NREP: variants seen among roughly 807,000 people sequenced by gnomAD.
NREP encodes neuronal regeneration related protein, also known as neuronal regeneration-related protein.
In NREP, 5 loss-of-function variants were observed where a neutral mutation model predicts 8.6. That is an observed-to-expected ratio of 0.58 (90% CI 0.30 to 1.22). NREP has a LOEUF of 1.22. Ranked by LOEUF, NREP falls within the 50% of genes most tolerant of loss-of-function variation. NREP has a pLI of 0.07. For missense variants in NREP, 86 were observed against 82.5 expected, an observed-to-expected ratio of 1.04 and a Z score of -0.17; for synonymous variants, 27 against 28.0, an observed-to-expected ratio of 0.96 and a Z score of 0.11.
At chr5:111,810,255 C>T (rs372631472) in intron 2 of NREP, among the ~76,000 whole-genome samples, 1 of 152,236 alleles carries the variant, frequency 6.6e-6, no homozygotes, top group African/African-American at 2.4e-5. Context: ...GAAAAATACA[C>T]AGAATAGAGT....
rs992969406 is a variant in NREP at position 111,955,933 on chromosome 5, G to C, written c.135+19341C>G. On this transcript the variant is annotated intron_variant, in intron 2 of 3. Transcript: ENST00000395634. ...AAAAAACAAAAACGTTGGGCTTCCT[G>C]TTTAAGAACAGGACCTGGAAAGCAA... Among the ~76,000 whole-genome samples the C allele has an allele frequency of 2.7e-5, 4 of 149,946 alleles. No homozygotes were observed. In the East Asian group the frequency reaches 7.9e-4, roughly 30 times the overall value.
rs1412755820 is a variant in NREP, at chr5:111,850,000, G to A, written c.136-114493C>T. Among the ~76,000 whole-genome samples the A allele has an allele frequency of 3.3e-5, 5 of 152,244 alleles. No individual in the cohort carries two copies. In the South Asian group the frequency reaches 1.0e-3, roughly 32 times the overall value. ...ATTGTGGACTCACCATATTAGCCCT[G>A]AACCATCTAACACTGTCATTTTGAT... On this transcript the variant is annotated intron_variant, in intron 2 of 3. Transcript: ENST00000395634.
chr5:111,917,368 C>T (rs1459489301), intron 2 of NREP, among the ~76,000 whole-genome samples: 1 of 152,088 alleles, frequency 6.6e-6, no homozygotes, highest in African/African-American at 2.4e-5. Flanking sequence ...ATGAGGCCAG[C>T]ATCATCCTGA....
At chr5:111,910,732 C>T (rs935872769) in intron 2 of NREP, among the ~76,000 whole-genome samples, 3 of 151,998 alleles carry the variant, frequency 2.0e-5, no homozygotes, top group African/African-American at 7.2e-5. Context: ...CCCTCTGATG[C>T]CACCAAGTTT....
chr5:111,929,436 A>G (rs936457449), intron 2 of NREP, among the ~76,000 whole-genome samples: 18 of 152,330 alleles, frequency 1.2e-4, no homozygotes, highest in African/African-American at 3.1e-4. Flanking sequence ...TTTGGAGCCA[A>G]TACCAGCAAA....
At chr5:111,804,625 A>G (rs1752092799) in intron 2 of NREP, among the ~76,000 whole-genome samples, 1 of 152,160 alleles carries the variant, frequency 6.6e-6, no homozygotes, top group South Asian at 2.1e-4. Flanking sequence ...CATATTTGCA[A>G]TATACAGTTC....
chr5:111,764,058 C>G (rs1438837508), intron 2 of NREP, among the ~76,000 whole-genome samples: 2 of 152,152 alleles, frequency 1.3e-5, no homozygotes, highest in Non-Finnish European at 2.9e-5. Flanking sequence ...AAAACAAATT[C>G]CATACATACT....
Position 111,939,236 on chromosome 5 carries a change from A to C in NREP, c.135+36038T>G, listed in dbSNP as rs573933893. 2.0e-5 allele frequency among the ~76,000 whole-genome samples: 3 copies of C among 152,132 alleles called. No individual in the cohort carries two copies. The South Asian group carries it at 6.2e-4, about 31-fold the overall frequency. On this transcript the variant is annotated intron_variant, in intron 2 of 3. Transcript: ENST00000395634. ...ACCACATTCCTTTACAAGACTCATT[A>C]CTTCTCACAGCAAACATCTGATGCA...
At chr5:111,736,407 G>A (rs1749120568) in intron 2 of NREP, among the ~76,000 whole-genome samples, 1 of 152,146 alleles carries the variant, frequency 6.6e-6, no homozygotes, top group Non-Finnish European at 1.5e-5. Context: ...GTGAAATTAG[G>A]TAAGATTCCC....
rs954318418 is a variant in NREP, at chr5:111,783,910, T to C, written c.136-48403A>G. The stretch of plus-strand genomic sequence containing the variant: ...TGCATATAGAAAATCTGTGGCCTTA[T>C]ATTTCTGTTTACTAATTATAAGACC... On this transcript the variant is annotated intron_variant, in intron 2 of 3. Coordinates refer to the NREP transcript ENST00000395634. Among the ~76,000 whole-genome samples the C allele has an allele frequency of 2.6e-5, 4 of 152,224 alleles. 1 individual carries two copies. The South Asian group carries it at 6.2e-4, about 24-fold the overall frequency.
At chr5:111,815,701 T>A (rs1038249203) in intron 2 of NREP, among the ~76,000 whole-genome samples, 3 of 151,930 alleles carry the variant, frequency 2.0e-5, no homozygotes, top group South Asian at 2.1e-4. Flanking sequence ...GTAAAAAATA[T>A]TCAAACCGAA....
chr5:111,814,791 G>C (rs982302332), intron 2 of NREP, among the ~76,000 whole-genome samples: 1 of 152,080 alleles, frequency 6.6e-6, no homozygotes, highest in Non-Finnish European at 1.5e-5. Flanking sequence ...CATTGCTCTA[G>C]GAGTTGATGA....
At chr5:111,779,837 A>G (rs1751451384) in intron 2 of NREP, among the ~76,000 whole-genome samples, 1 of 152,358 alleles carries the variant, frequency 6.6e-6, no homozygotes, top group East Asian at 1.9e-4. Flanking sequence ...GAGGACAAGA[A>G]CATAGCTTAC....
intron 2 of NREP, among the ~76,000 whole-genome samples, chr5:111,905,359 A>G (rs1461608986): frequency 2.6e-5 from 4 of 152,172 alleles, no homozygotes; most frequent in Non-Finnish European, 4.4e-5. Context: ...CTCACTCCAC[A>G]TCCTTGCAGA....
chr5:111,832,670 A>G (rs1051177942), intron 2 of NREP, among the ~76,000 whole-genome samples: 4 of 152,206 alleles, frequency 2.6e-5, no homozygotes, highest in East Asian at 1.9e-4. Context: ...TCTGACCCCA[A>G]TACAGTTACT....
chr5:111,974,174 T>C (rs1175477819), intron 2 of NREP, among the ~76,000 whole-genome samples: 1 of 152,246 alleles, frequency 6.6e-6, no homozygotes, highest in Non-Finnish European at 1.5e-5. Flanking sequence ...CCTCAGTCTT[T>C]ATTTCTGCCA....
intron 2 of NREP, among the ~76,000 whole-genome samples, chr5:111,918,531 C>A (rs1379406660): frequency 2.6e-5 from 4 of 152,048 alleles, no homozygotes; most frequent in African/African-American, 7.2e-5. Context: ...CAATGGAACA[C>A]AACAGAGGCC....
intron 2 of NREP, among the ~76,000 whole-genome samples, chr5:111,746,770 G>C (rs916678568): frequency 6.6e-6 from 1 of 152,056 alleles, no homozygotes; most frequent in Non-Finnish European, 1.5e-5. Context: ...CCAAATCCCC[G>C]GAAGTCTACT....
At chr5:111,889,483 T>A (rs1754342379) in intron 2 of NREP, among the ~76,000 whole-genome samples, 1 of 152,156 alleles carries the variant, frequency 6.6e-6, no homozygotes. Context: ...CCAAACTACA[T>A]CATACTGCCC....
Sources: gnomAD v4.1 joint callset for allele counts (sites outside exome capture counted in the v4.1 genomes callset) on GRCh38, gnomAD v4.1.1 for gene constraint, MANE v1.5 for transcripts, NCBI Gene and HGNC (gene_info 2026-07-23, HGNC 2026-07-21) for gene names.